The following SH3TC2 variants were observed in gnomAD, a reference collection of about 807,000 sequenced individuals.
SH3TC2 encodes SH3 domain and tetratricopeptide repeats 2, also known as SH3 domain and tetratricopeptide repeat-containing protein 2.
A neutral mutation model predicts 124.5 loss-of-function variants in SH3TC2; 87 were observed. The observed-to-expected ratio is 0.70, with a 90% CI of 0.59 to 0.84. The LOEUF (loss-of-function observed/expected upper bound fraction) is 0.84, where lower values mean the gene tolerates loss of function less well. SH3TC2 is among the 40% of genes least tolerant of loss of function. SH3TC2 has a pLI of 0.00. For missense variants in SH3TC2, 1,536 were observed against 1,566.4 expected, an observed-to-expected ratio of 0.98 and a Z score of 0.33; for synonymous variants, 634 against 628.5, an observed-to-expected ratio of 1.01 and a Z score of -0.13.
Position 149,003,743 on chromosome 5 carries a change from CAGG to C in SH3TC2, c.*965_*967del. ...GCACATGCCTGTAGTTCCAGCTACT[CAGG>C]AGGTTGACACTGGAGGATCACTTGA... On this transcript the variant is annotated 3_prime_UTR_variant, in exon 17 of 17. Coordinates refer to ENST00000515425, the MANE Select transcript of SH3TC2 (RefSeq NM_024577.4). The C allele has an allele frequency of 2.3e-6, 1 of 442,076 alleles. No individual in the cohort carries two copies. The allele number at this position is 442,076 out of a possible 1,614,324, so 27.4% of individuals were successfully genotyped here. A position where few individuals can be genotyped will look rare whatever the true frequency, so the allele number is the denominator to read the frequency against.
Position 149,012,685 on chromosome 5 carries a change from T to C in SH3TC2, c.3103A>G (p.Ile1035Val), listed in dbSNP as rs369953562. 2.5e-5 allele frequency: 40 copies of C among 1,614,024 alleles called. No individual in the cohort carries two copies. Among genetic ancestry groups the C allele is most frequent in the African/African-American group, 4.0e-5 (3 of 74,900 alleles). ...TCIKESLRIF[I>V]DLGETDKAAE... ...GCCTTGTCTGTCTCCCCCAGGTCAA[T>C]GAAGATACGCAGGCTCTCCTTGATG... Residue 1035 changes from isoleucine to valine, a missense_variant, in exon 13 of 17, where the codon ATT becomes GTT. Ile to Val is a conservative substitution (Grantham distance 29, BLOSUM62 3). This residue lies in a region of SH3TC2 where 426 missense variants were observed against 443.5 expected (regional missense o/e 0.96). Transcript: ENST00000515425.
chr5:149,046,962 A>G (rs1436540057), intron 3 of SH3TC2: 1 of 152,226 alleles, frequency 6.6e-6, no homozygotes. Context: ...TTTTTGCTGC[A>G]TGACATTTAG....
chr5:149,044,916 C>A (rs889260086), intron 3 of SH3TC2: 27 of 284,896 alleles, frequency 9.5e-5, no homozygotes, highest in African/African-American at 5.5e-4. Context: ...TGCTATACAG[C>A]GGCAGCAGCA....
chr5:149,030,343 C>T (rs1044834041), intron 9 of SH3TC2, among the ~76,000 whole-genome samples: 4 of 152,228 alleles, frequency 2.6e-5, no homozygotes, highest in Admixed American at 2.0e-4. Flanking sequence ...CCATAAGGTG[C>T]GGACTGCACG....
At chr5:149,044,970 T>C (rs760607166) in intron 3 of SH3TC2, 1 of 199,352 alleles carries the variant, frequency 5.0e-6, no homozygotes, top group Non-Finnish European at 1.0e-5. Flanking sequence ...ATGCTACTTT[T>C]TGTGTTTAAA....
At position 149,004,020 on chromosome 5, in the gene SH3TC2, C is replaced by A; in HGVS notation, c.*691G>T. ...GTAATTTATGTCATAATTTTCTTAA[C>A]ATTCAATTTCCAAGCCTTTGCTCTT... On this transcript the variant is annotated 3_prime_UTR_variant, in exon 17 of 17. Coordinates refer to ENST00000515425, the MANE Select transcript of SH3TC2 (RefSeq NM_024577.4). 1 of 191,136 alleles carries A rather than the reference C, an allele frequency of 5.2e-6. No individual in the cohort carries two copies. The highest frequency in any genetic ancestry group is 7.4e-5 in the South Asian group (1 of 13,434). 11.8% of individuals were successfully genotyped at this position (191,136 alleles called of 1,614,324 possible). A position where few individuals can be genotyped will look rare whatever the true frequency, so the allele number is the denominator to read the frequency against.
chr5:148,987,197 T>C lies in SH3TC2; in HGVS notation c.*17514A>G, dbSNP rs1223175000. Among the ~76,000 whole-genome samples the C allele has an allele frequency of 6.6e-6, 1 of 152,182 alleles. No individual in the cohort carries two copies. Among genetic ancestry groups the C allele is most frequent in the Non-Finnish European group, 1.5e-5 (1 of 68,006 alleles). ...TATTTTAACCACTGTAACCCCTCTG[T>C]GGGGAGAGGAGAAAAAGCACATTTT... On this transcript the variant is annotated 3_prime_UTR_variant, in exon 17 of 17. Transcript: ENST00000515425.
In SH3TC2 at chr5:148,990,695, T is replaced by A. The variant is rs1013778079; in HGVS notation, c.*14016A>T. 2.0e-5 allele frequency among the ~76,000 whole-genome samples: 3 copies of A among 152,202 alleles called. No individual in the cohort carries two copies. Among genetic ancestry groups the A allele is most frequent in the African/African-American group, 7.2e-5 (3 of 41,436 alleles). Reference sequence around the variant, plus strand: ...TGAACACAGAAAATGAAATCATGCATTCAAAGAATTTAATCCAATGCTTTA... The same window carrying A: ...TGAACACAGAAAATGAAATCATGCAATCAAAGAATTTAATCCAATGCTTTA... On this transcript the variant is annotated 3_prime_UTR_variant, in exon 17 of 17. Coordinates refer to ENST00000515425, the MANE Select transcript of SH3TC2 (RefSeq NM_024577.4).
chr5:149,042,337 G>A (rs111528632), intron 5 of SH3TC2, among the ~76,000 whole-genome samples: 3 of 152,180 alleles, frequency 2.0e-5, no homozygotes, highest in African/African-American at 7.2e-5. Context: ...TTGGAAAAGG[G>A]TTTCTCGATT....
chr5:149,010,200 G>A lies in SH3TC2; in HGVS notation c.3327+70C>T, dbSNP rs1025476. Reference sequence around the variant, plus strand: ...AGAGAGGAGAAGAGGGACTCAGGCCGAAGTCCAGCCTGACCCTTCCCATGC... The same window carrying A: ...AGAGAGGAGAAGAGGGACTCAGGCCAAAGTCCAGCCTGACCCTTCCCATGC... On this transcript the variant is annotated intron_variant, in intron 14 of 16. Transcript: ENST00000515425. 641,477 of 1,610,164 alleles carry A rather than the reference G, an allele frequency of 0.4. 129,724 individuals carry two copies. Among genetic ancestry groups the A allele is most frequent in the South Asian group, 0.47 (42,393 of 90,906 alleles).
chr5:149,047,250 A>T (rs946544040), intron 3 of SH3TC2: 1 of 153,250 alleles, frequency 6.5e-6, no homozygotes, highest in East Asian at 1.9e-4. Flanking sequence ...TCCTCCTCTC[A>T]CCCAAGTATT....
At chr5:149,060,725 G>A (rs1454605211) in intron 1 of SH3TC2, among the ~76,000 whole-genome samples, 3 of 152,136 alleles carry the variant, frequency 2.0e-5, no homozygotes, top group African/African-American at 7.2e-5. Context: ...ATTAACTAAC[G>A]ATAAAACAGC....
intron 2 of SH3TC2, 80 bp downstream of exon 2, chr5:149,052,062 G>T (rs1754566308): frequency 2.0e-6 from 2 of 982,772 alleles, no homozygotes; most frequent in Non-Finnish European, 3.3e-6. Flanking sequence ...AGAGGGAGGG[G>T]CTCTTTAGAT....
In SH3TC2 at chr5:149,026,919, T is replaced by C. The variant is rs1754075162; in HGVS notation, c.2813A>G (p.His938Arg). The part of the protein sequence containing the change: ...QVLVSGHQLT[H>R]GLLCYEMALL... ...TGCCATTTCATAACAAAGAAGGCCATGGGTCAGCTGGTGTCCAGACACCAG... is the reference window on the plus strand; with the variant it reads ...TGCCATTTCATAACAAAGAAGGCCACGGGTCAGCTGGTGTCCAGACACCAG... Residue 938 changes from histidine (H) to arginine (R), a missense_variant, in exon 11 of 17, where the codon CAT (histidine) becomes CGT (arginine). This residue lies in a region of SH3TC2 where 426 missense variants were observed against 443.5 expected (regional missense o/e 0.96). Coordinates refer to ENST00000515425, the MANE Select transcript of SH3TC2 (RefSeq NM_024577.4). 6.2e-7 allele frequency: 1 copy of C among 1,614,064 alleles called. No homozygotes were observed. Among genetic ancestry groups the C allele is most frequent in the African/African-American group, 1.3e-5 (1 of 74,928 alleles).
chr5:149,036,503 T>A (rs1320424330), intron 8 of SH3TC2, among the ~76,000 whole-genome samples: 1 of 152,214 alleles, frequency 6.6e-6, no homozygotes, highest in African/African-American at 2.4e-5. Flanking sequence ...CATCCTCTTT[T>A]TTCTTTCTCC....
At position 149,003,127 on chromosome 5, in the gene SH3TC2, G is replaced by A. The variant is rs941686293; in HGVS notation, c.*1584C>T. 1 of 152,224 alleles carries A rather than the reference G, an allele frequency of 6.6e-6. No individual in the cohort carries two copies. Among genetic ancestry groups the A allele is most frequent in the African/African-American group, 2.4e-5 (1 of 41,448 alleles). 9.4% of individuals were successfully genotyped at this position (152,224 alleles called of 1,614,324 possible). On this transcript the variant is annotated 3_prime_UTR_variant, in exon 17 of 17. Coordinates refer to ENST00000515425, the MANE Select transcript of SH3TC2 (RefSeq NM_024577.4). Reference sequence around the variant, plus strand: ...CCCAATTTCATTATCAAAGAACTCAGATACTGTGGTAGGTCACTTCTGAAA... The same window carrying A: ...CCCAATTTCATTATCAAAGAACTCAAATACTGTGGTAGGTCACTTCTGAAA...
In SH3TC2 at chr5:148,983,593, C is replaced by T. The variant is rs886060095; in HGVS notation, c.*21118G>A. ...TTTCATCTTGCTGAAGTGCACATTCCCCTTCCAGTAACAGCAATCTAGCTT... is the reference window on the plus strand; with the variant it reads ...TTTCATCTTGCTGAAGTGCACATTCTCCTTCCAGTAACAGCAATCTAGCTT... On this transcript the variant is annotated 3_prime_UTR_variant, in exon 17 of 17. Transcript: ENST00000515425. 1.3e-5 allele frequency among the ~76,000 whole-genome samples: 2 copies of T among 152,132 alleles called. No homozygotes were observed. The highest frequency in any genetic ancestry group is 1.9e-4 in the East Asian group (1 of 5,186).
At chr5:149,015,132 C>A (rs1299633400) in intron 12 of SH3TC2, among the ~76,000 whole-genome samples, 1 of 152,126 alleles carries the variant, frequency 6.6e-6, no homozygotes, top group Non-Finnish European at 1.5e-5. Context: ...CCAAGAAATG[C>A]CCCATCAGGG....
Position 149,002,921 on chromosome 5 carries a change from A to G in SH3TC2, c.*1790T>C. 1 of 152,938 alleles carries G rather than the reference A, an allele frequency of 6.5e-6. No individual in the cohort carries two copies. 9.5% of individuals were successfully genotyped at this position (152,938 alleles called of 1,614,324 possible). Reference sequence around the variant, plus strand: ...CTCTTGCCCTGCAGTGGTGCTTCCCATACTTTAGGGTGCATTAAAATCACC... The same window carrying G: ...CTCTTGCCCTGCAGTGGTGCTTCCCGTACTTTAGGGTGCATTAAAATCACC... On this transcript the variant is annotated 3_prime_UTR_variant, in exon 17 of 17. Coordinates refer to ENST00000515425, the MANE Select transcript of SH3TC2 (RefSeq NM_024577.4).
Sources: gnomAD v4.1 joint callset for allele counts (sites outside exome capture counted in the v4.1 genomes callset) on GRCh38, gnomAD v4.1.1 for gene constraint, gnomAD v4.1.1 regional missense constraint, MANE v1.5 for transcripts, NCBI Gene and HGNC (gene_info 2026-07-23, HGNC 2026-07-21) for gene names.